MED27: variants seen among roughly 807,000 people sequenced by gnomAD.
MED27 encodes mediator complex subunit 27, also known as mediator of RNA polymerase II transcription subunit 27.
Under a neutral mutation model 38.2 loss-of-function variants are expected in MED27, and 30 were observed. That is an observed-to-expected ratio of 0.79 (90% CI 0.59 to 1.07). The LOEUF (loss-of-function observed/expected upper bound fraction) is 1.07, where lower values mean the gene tolerates loss of function less well. Among genes scored for constraint, MED27 ranks in the 50% least tolerant of loss-of-function variants. The pLI is 0.00. For synonymous variants in MED27, 122 were observed against 153.5 expected, an observed-to-expected ratio of 0.79 and a Z score of 1.52; for missense variants, 289 against 397.5, an observed-to-expected ratio of 0.73 and a Z score of 2.32.
At chr9:131,946,076 A>G (rs1830882191) in intron 3 of MED27, among the ~76,000 whole-genome samples, 1 of 152,170 alleles carries the variant, frequency 6.6e-6, no homozygotes, top group African/African-American at 2.4e-5. Flanking sequence ...GTAAATGACA[A>G]GATTTCCTTC....
chr9:132,061,543 G>GTTT (rs1307436838), intron 2 of MED27, among the ~76,000 whole-genome samples: 2 of 152,160 alleles, frequency 1.3e-5, no homozygotes, highest in African/African-American at 4.8e-5. Context: ...AAAATTTGTT[G>GTTT]TATTTTAAGA....
intron 4 of MED27, among the ~76,000 whole-genome samples, chr9:131,897,935 C>G (rs1251767195): frequency 6.6e-6 from 1 of 152,142 alleles, no homozygotes; most frequent in African/African-American, 2.4e-5. Flanking sequence ...AGAGATCCCC[C>G]TCCCAACCCC....
Position 131,923,080 on chromosome 9 carries a change from T to C in MED27, c.573+16301A>G, listed in dbSNP as rs1830426069. ...TTAGAAACTAATATGTGGATGATAG[T>C]TGTGCTCACTGTTGCTGGGGTCTCA... On this transcript the variant is annotated intron_variant, in intron 4 of 7. Coordinates refer to ENST00000292035, the MANE Select transcript of MED27 (RefSeq NM_004269.4). 2.0e-5 allele frequency among the ~76,000 whole-genome samples: 3 copies of C among 152,232 alleles called. No homozygotes were observed. The South Asian group carries it at 6.2e-4, about 31-fold the overall frequency.
At chr9:131,906,699 G>A (rs1313285791) in intron 4 of MED27, among the ~76,000 whole-genome samples, 2 of 152,218 alleles carry the variant, frequency 1.3e-5, no homozygotes, top group South Asian at 4.1e-4. Flanking sequence ...TCCAGACCCC[G>A]AGAGAGGGTT....
intron 3 of MED27, among the ~76,000 whole-genome samples, chr9:132,002,909 A>T (rs565312934): frequency 1.8e-5 from 2 of 110,288 alleles, no homozygotes; most frequent in African/African-American, 6.0e-5. Context: ...AGTGAGTGAG[A>T]CTCTGTCTCA....
At chr9:131,899,122 T>C (rs1829884905) in intron 4 of MED27, among the ~76,000 whole-genome samples, 1 of 152,226 alleles carries the variant, frequency 6.6e-6, no homozygotes, top group Non-Finnish European at 1.5e-5. Flanking sequence ...GGCAATGCTA[T>C]TGTTACTTGG....
In MED27 at chr9:131,993,036, C is replaced by T. The variant is rs139296378; in HGVS notation, c.479+21301G>A. On this transcript the variant is annotated intron_variant, in intron 3 of 7. Coordinates refer to ENST00000292035, the MANE Select transcript of MED27 (RefSeq NM_004269.4). ...GGCATGGGTGACCCGGGGTGCAAGC[C>T]CAAGAAATCTCACTCCAGAACCTGT... 5.2e-3 allele frequency among the ~76,000 whole-genome samples: 795 copies of T among 152,174 alleles called. 14 individuals carry two copies. The highest frequency in any genetic ancestry group is 0.018 in the African/African-American group (734 of 41,506).
At position 132,077,469 on chromosome 9, in the gene MED27, G is replaced by C; in HGVS notation, c.321C>G (p.Leu107=). 6.2e-7 allele frequency: 1 copy of C among 1,614,122 alleles called. No homozygotes were observed. Among genetic ancestry groups the C allele is most frequent in the Non-Finnish European group, 8.5e-7 (1 of 1,180,004 alleles). The part of the protein sequence containing the change: ...VQDKTPLYSQ[L]LQAYKWSNKL... Reference sequence around the variant, plus strand: ...TGTTTGACCACTTATATGCTTGAAGGAGTTGACTATAGAGAGGAGTTTTGT... The same window carrying C: ...TGTTTGACCACTTATATGCTTGAAGCAGTTGACTATAGAGAGGAGTTTTGT... Residue 107 remains leucine (L), a synonymous_variant, in exon 2 of 8, where the codon CTC becomes CTG. Coordinates refer to ENST00000292035, the MANE Select transcript of MED27 (RefSeq NM_004269.4).
chr9:132,039,731 G>A (rs1237161269), intron 2 of MED27, among the ~76,000 whole-genome samples: 2 of 152,106 alleles, frequency 1.3e-5, no homozygotes, highest in Non-Finnish European at 1.5e-5. Flanking sequence ...CCACCTGCTT[G>A]GCAATCCCTC....
intron 4 of MED27, among the ~76,000 whole-genome samples, chr9:131,909,461 G>A (rs1006966574): frequency 6.6e-6 from 1 of 152,214 alleles, no homozygotes; most frequent in Non-Finnish European, 1.5e-5. Context: ...CCCAAAAGTG[G>A]TGGGCCCCTG....
chr9:131,936,973 C>T (rs1285194351), intron 4 of MED27, among the ~76,000 whole-genome samples: 2 of 152,172 alleles, frequency 1.3e-5, no homozygotes, highest in Non-Finnish European at 2.9e-5. Context: ...CCATCAGTCT[C>T]GCTTGCCCCC....
At chr9:131,985,385 A>G (rs1031743176) in intron 3 of MED27, among the ~76,000 whole-genome samples, 1 of 152,226 alleles carries the variant, frequency 6.6e-6, no homozygotes, top group African/African-American at 2.4e-5. Flanking sequence ...TGCTTTGTGA[A>G]TATTTTTGCA....
chr9:132,072,241 T>C (rs1306714588), intron 2 of MED27, among the ~76,000 whole-genome samples: 1 of 151,744 alleles, frequency 6.6e-6, no homozygotes, highest in Non-Finnish European at 1.5e-5. Flanking sequence ...CTAAGACATT[T>C]GATGTGCATT....
chr9:132,028,337 G>T (rs1832872299), intron 2 of MED27, among the ~76,000 whole-genome samples: 1 of 152,084 alleles, frequency 6.6e-6, no homozygotes, highest in Non-Finnish European at 1.5e-5. Flanking sequence ...TACATACAGA[G>T]GGTTTGTTTC....
At chr9:131,925,931 A>G (rs1742512362) in intron 4 of MED27, among the ~76,000 whole-genome samples, 1 of 152,248 alleles carries the variant, frequency 6.6e-6, no homozygotes, top group South Asian at 2.1e-4. Flanking sequence ...TCATGAGTCA[A>G]GGGTCACGAT....
intron 3 of MED27, among the ~76,000 whole-genome samples, chr9:132,001,781 C>A (rs571961676): frequency 2.0e-5 from 3 of 152,194 alleles, no homozygotes; most frequent in African/African-American, 4.8e-5. Flanking sequence ...ATTTCCCTTA[C>A]GGTATAGATG....
At chr9:131,876,236 C>A (rs764962476) in intron 6 of MED27, among the ~76,000 whole-genome samples, 46 of 152,214 alleles carry the variant, frequency 3.0e-4, no homozygotes, top group Non-Finnish European at 5.9e-4. Flanking sequence ...GCCCGCACAA[C>A]CCTTCAGGAA....
chr9:131,938,880 A>C (rs565256371), intron 4 of MED27, among the ~76,000 whole-genome samples: 33 of 151,914 alleles, frequency 2.2e-4, no homozygotes, highest in Non-Finnish European at 4.1e-4. Context: ...CACCCGGCTA[A>C]TATTTTGTAT....
intron 3 of MED27, among the ~76,000 whole-genome samples, chr9:131,946,172 C>A (rs751367253): frequency 3.9e-5 from 6 of 152,140 alleles, no homozygotes; most frequent in Non-Finnish European, 5.9e-5. Flanking sequence ...TAAGTTGATT[C>A]CACATCTTGG....
Sources: allele counts gnomAD v4.1 joint callset (sites outside exome capture counted in the v4.1 genomes callset), GRCh38; gene constraint gnomAD v4.1.1; transcripts MANE v1.5; gene names NCBI Gene and HGNC (gene_info 2026-07-23, HGNC 2026-07-21).